FHIP1A: variants seen among roughly 807,000 people sequenced by gnomAD.
The protein encoded by FHIP1A is FHF complex subunit HOOK interacting protein 1A.
Under a neutral mutation model 88.6 loss-of-function variants are expected in FHIP1A, and 61 were observed. That is an observed-to-expected ratio of 0.69 (90% confidence interval 0.56 to 0.85). The LOEUF is 0.85. Among genes scored for constraint, FHIP1A ranks in the 40% least tolerant of loss-of-function variants. The pLI, the probability that FHIP1A is intolerant of heterozygous loss-of-function variation, is 0.00. For synonymous variants in FHIP1A, 478 were observed against 496.0 expected, an observed-to-expected ratio of 0.96 and a Z score of 0.48; for missense variants, 1,154 against 1,273.5, an observed-to-expected ratio of 0.91 and a Z score of 1.43.
chr4:151,415,183 G>GTT (rs1168176245), intron 1 of FHIP1A, among the ~76,000 whole-genome samples: 2 of 139,084 alleles, frequency 1.4e-5, no homozygotes, highest in African/African-American at 5.2e-5. Flanking sequence ...AGTTTTTTTG[G>GTT]TTTTTTTTTT....
intron 4 of FHIP1A, among the ~76,000 whole-genome samples, chr4:151,566,678 TCTC>T (rs1733400878): frequency 6.6e-6 from 1 of 151,254 alleles, no homozygotes; most frequent in Non-Finnish European, 1.5e-5. Flanking sequence ...AATTATATCC[TCTC>T]TCTCTCTCTT....
intron 1 of FHIP1A, among the ~76,000 whole-genome samples, chr4:151,415,492 A>G (rs1732857046): frequency 6.6e-6 from 1 of 152,146 alleles, no homozygotes; most frequent in African/African-American, 2.4e-5. Context: ...AACATGGTTT[A>G]TTTAAACAGC....
chr4:151,559,572 G>A (rs372310192), intron 3 of FHIP1A, among the ~76,000 whole-genome samples: 1 of 152,042 alleles, frequency 6.6e-6, no homozygotes, highest in African/African-American at 2.4e-5. Flanking sequence ...ATATATTTTG[G>A]CAGCCTTATC....
At chr4:151,612,309 G>C (rs1274512308) in intron 7 of FHIP1A, among the ~76,000 whole-genome samples, 1 of 152,214 alleles carries the variant, frequency 6.6e-6, no homozygotes, top group African/African-American at 2.4e-5. Context: ...AAAGATTTCT[G>C]AGACAGCAAC....
intron 5 of FHIP1A, among the ~76,000 whole-genome samples, chr4:151,581,804 T>C (rs1734035605): frequency 6.7e-6 from 1 of 150,292 alleles, no homozygotes; most frequent in Non-Finnish European, 1.5e-5. Context: ...CAAAGTGTGT[T>C]AGCATCAGGC....
intron 7 of FHIP1A, among the ~76,000 whole-genome samples, chr4:151,594,758 A>G (rs1734583660): frequency 1.3e-5 from 2 of 152,038 alleles, no homozygotes; most frequent in African/African-American, 4.8e-5. Flanking sequence ...TATTTTTAGT[A>G]GAGACAGGGT....
intron 13 of FHIP1A, among the ~76,000 whole-genome samples, chr4:151,661,617 A>G (rs1388986881): frequency 6.6e-6 from 1 of 152,168 alleles, no homozygotes; most frequent in Admixed American, 6.5e-5. Flanking sequence ...TAGGGGGCAG[A>G]GGAAGACATA....
At chr4:151,572,536 T>C (rs1170553480) in intron 4 of FHIP1A, among the ~76,000 whole-genome samples, 1 of 152,224 alleles carries the variant, frequency 6.6e-6, no homozygotes, top group African/African-American at 2.4e-5. Flanking sequence ...CACTTCATAC[T>C]GAAAGACACA....
chr4:151,410,587 C>A (rs1215490095), intron 1 of FHIP1A, among the ~76,000 whole-genome samples: 1 of 152,192 alleles, frequency 6.6e-6, no homozygotes, highest in East Asian at 1.9e-4. Flanking sequence ...ATTATGCCTG[C>A]TTGTCAGGGT....
chr4:151,418,916 TCTTGCTCTAATC>T (rs1251091737), intron 1 of FHIP1A, among the ~76,000 whole-genome samples: 3 of 152,240 alleles, frequency 2.0e-5, no homozygotes, highest in African/African-American at 7.2e-5. Context: ...TTCCAGTTTT[TCTTGCTCTAATC>T]TATTTTCATT....
intron 9 of FHIP1A, among the ~76,000 whole-genome samples, chr4:151,645,871 T>C (rs147872237): frequency 8.5e-5 from 13 of 152,232 alleles, no homozygotes; most frequent in Middle Eastern, 6.8e-3. Flanking sequence ...TAAGATGCTT[T>C]TGATCACCAA....
chr4:151,568,947 A>G (rs1733495256), intron 4 of FHIP1A, among the ~76,000 whole-genome samples: 1 of 152,174 alleles, frequency 6.6e-6, no homozygotes, highest in Non-Finnish European at 1.5e-5. Context: ...AAAGTAAGAT[A>G]AGGAATGAGA....
chr4:151,530,357 G>C (rs931029282), intron 3 of FHIP1A, among the ~76,000 whole-genome samples: 1 of 152,152 alleles, frequency 6.6e-6, no homozygotes, highest in Non-Finnish European at 1.5e-5. Flanking sequence ...CTGGCACATG[G>C]TAGGCATACG....
At chr4:151,503,098 C>A (rs145367750) in intron 3 of FHIP1A, among the ~76,000 whole-genome samples, 1 of 152,186 alleles carries the variant, frequency 6.6e-6, no homozygotes, top group Non-Finnish European at 1.5e-5. Flanking sequence ...CTTGCGGAGT[C>A]TAATTAACAA....
intron 2 of FHIP1A, among the ~76,000 whole-genome samples, chr4:151,481,654 C>A (rs1343072619): frequency 6.6e-6 from 1 of 151,972 alleles, no homozygotes; most frequent in East Asian, 1.9e-4. Flanking sequence ...AGCCTGTTTC[C>A]ATGTTTTAAA....
At position 151,666,772 on chromosome 4, in the gene FHIP1A, C is replaced by A. The variant is rs556835704; in HGVS notation, c.*4018C>A. Among the ~76,000 whole-genome samples, 1 of 152,290 alleles carries A rather than the reference C, an allele frequency of 6.6e-6. No homozygotes were observed. Among genetic ancestry groups the A allele is most frequent in the South Asian group, 2.1e-4 (1 of 4,826 alleles). Reference sequence around the variant, plus strand: ...GTCTAGGTTGTGTTCAGGAGGGAAGCACAGCCGCAGCAGTCTGGACAAATC... The same window carrying A: ...GTCTAGGTTGTGTTCAGGAGGGAAGAACAGCCGCAGCAGTCTGGACAAATC... On this transcript the variant is annotated 3_prime_UTR_variant, in exon 14 of 14. Coordinates refer to ENST00000435205, the MANE Select transcript of FHIP1A (RefSeq NM_001109977.3).
At chr4:151,627,255 GA>G (rs1735989107) in intron 7 of FHIP1A, among the ~76,000 whole-genome samples, 1 of 152,146 alleles carries the variant, frequency 6.6e-6, no homozygotes, top group African/African-American at 2.4e-5. Context: ...TGACAGCTTT[GA>G]TTTCTAAAAA....
At chr4:151,417,838 T>C (rs1408004308) in intron 1 of FHIP1A, among the ~76,000 whole-genome samples, 1 of 152,162 alleles carries the variant, frequency 6.6e-6, no homozygotes, top group African/African-American at 2.4e-5. Flanking sequence ...ATTTGTACTT[T>C]TGGCTTATTT....
At chr4:151,604,428 A>C (rs896146943) in intron 7 of FHIP1A, among the ~76,000 whole-genome samples, 1 of 152,030 alleles carries the variant, frequency 6.6e-6, no homozygotes, top group East Asian at 1.9e-4. Flanking sequence ...ACTAGGAGAT[A>C]TTTTCAGTTT....
Sources: gnomAD v4.1 joint callset for allele counts (sites outside exome capture counted in the v4.1 genomes callset) on GRCh38, gnomAD v4.1.1 for gene constraint, MANE v1.5 for transcripts, NCBI Gene and HGNC (gene_info 2026-07-23, HGNC 2026-07-21) for gene names.